CIB1: variants seen among roughly 807,000 people sequenced by gnomAD.
The protein encoded by CIB1 is calcium and integrin binding 1, also known as calcium and integrin-binding protein 1.
Under a neutral mutation model 25.0 loss-of-function variants are expected in CIB1, and 19 were observed. The observed-to-expected ratio is 0.76, with a 90% CI of 0.53 to 1.12. CIB1 has a LOEUF of 1.12. CIB1 is among the 50% of genes most tolerant of loss of function. The probability of loss-of-function intolerance (pLI) is 0.00; values close to 1 mark genes in which losing one functional copy is unlikely to be tolerated. For synonymous variants in CIB1, 104 were observed against 98.5 expected, an observed-to-expected ratio of 1.06 and a Z score of -0.33; for missense variants, 236 against 242.6, an observed-to-expected ratio of 0.97 and a Z score of 0.18.
the CIB1 span, among the ~76,000 whole-genome samples, chr15:90,250,292 T>C: frequency 6.6e-6 from 1 of 152,114 alleles, no homozygotes; most frequent in Non-Finnish European, 1.5e-5. Context: ...TCTTTCCCAA[T>C]TAGGAACAAA....
chr15:90,231,243 C>T, intron 4 of CIB1, 30 bp from the exon 5 acceptor site: 1 of 1,612,796 alleles, frequency 6.2e-7, no homozygotes, highest in Non-Finnish European at 8.5e-7. Context: ...AGCCAAAAGA[C>T]ACGGTTGGGA....
the CIB1 span, chr15:90,265,033 T>G: frequency 4.1e-6 from 6 of 1,463,404 alleles, no homozygotes; most frequent in Non-Finnish European, 5.4e-6. Context: ...GCATTAAATC[T>G]TTGCTAAATG....
At chr15:90,234,047 C>T, upstream of CIB1, 1 of 827,982 alleles carries the variant, frequency 1.2e-6, no homozygotes, top group Non-Finnish European at 1.7e-6. Flanking sequence ...CGTTCCCAGC[C>T]GGGTTTGGCA....
chr15:90,248,282 TC>T, the CIB1 span, among the ~76,000 whole-genome samples: 1 of 152,206 alleles, frequency 6.6e-6, no homozygotes, highest in Admixed American at 6.5e-5. Flanking sequence ...ATAAACAGTT[TC>T]TTTGGGTTGC....
the CIB1 span, among the ~76,000 whole-genome samples, chr15:90,254,784 C>T: frequency 2.6e-5 from 4 of 151,152 alleles, no homozygotes; most frequent in East Asian, 4.0e-4. Flanking sequence ...AGGCAGAGGC[C>T]GCAGTGAGCT....
In CIB1 at chr15:90,232,281, C is replaced by T. The variant is rs190155231; in HGVS notation, c.133G>A (p.Val45Met). 5.3e-5 allele frequency: 86 copies of T among 1,612,432 alleles called. No individual in the cohort carries two copies. The highest frequency in any genetic ancestry group is 3.3e-4 in the African/African-American group (25 of 75,040). Residue 45 changes from valine to methionine, a missense_variant, in exon 3 of 7, where the codon GTG becomes ATG. Val to Met is a conservative substitution (Grantham distance 21, BLOSUM62 1). Transcript: ENST00000328649. ...CELLPQEQRS[V>M]ESSLRAQVPF... is the part of the protein sequence containing the mutation. Reference sequence around the variant, plus strand: ...ACTTGTGCCCGAAGTGACGACTCCACGCTCCGCTGCTCCTGGGGAAGCAGC... The same window carrying T: ...ACTTGTGCCCGAAGTGACGACTCCATGCTCCGCTGCTCCTGGGGAAGCAGC...
chr15:90,256,545 T>TTTTCTTTC, the CIB1 span, among the ~76,000 whole-genome samples: 2,083 of 105,276 alleles, frequency 0.02, 48 homozygotes, highest in East Asian at 0.035. Flanking sequence ...TCTCCTTCCT[T>TTTTCTTTC]TTTCTTTCTT....
chr15:90,232,795 A>G (rs1227638851), intron 2 of CIB1, among the ~76,000 whole-genome samples: 1 of 151,000 alleles, frequency 6.6e-6, no homozygotes, highest in Non-Finnish European at 1.5e-5. Context: ...AATCCCAGCT[A>G]CTCAGGAGGC....
the CIB1 span, chr15:90,257,972 C>G: frequency 3.2e-5 from 47 of 1,471,938 alleles, 1 homozygote; most frequent in East Asian, 9.5e-4. Context: ...TGTGAGGGAG[C>G]CTCCTGCCTA....
At chr15:90,257,518 T>C in the CIB1 span, 4 of 1,050,936 alleles carry the variant, frequency 3.8e-6, no homozygotes, top group Admixed American at 6.8e-5. Context: ...AGTCCTCTGG[T>C]GGAGAGAGAC....
At chr15:90,237,317 C>T (rs1962657445), upstream of CIB1, among the ~76,000 whole-genome samples, 1 of 120,594 alleles carries the variant, frequency 8.3e-6, no homozygotes, top group Non-Finnish European at 1.6e-5. Context: ...GAGTCTTGCT[C>T]TGTCACCAGG....
the CIB1 span, chr15:90,250,639 G>C: frequency 6.2e-7 from 1 of 1,613,012 alleles, no homozygotes; most frequent in African/African-American, 1.3e-5. Flanking sequence ...GAATGGAGCC[G>C]AGTACCTGTA....
chr15:90,245,290 C>A, the CIB1 span: 1 of 152,224 alleles, frequency 6.6e-6, no homozygotes, highest in Non-Finnish European at 1.5e-5. Flanking sequence ...GCCTGGCCAA[C>A]ATGGTGAAAC....
the CIB1 span, chr15:90,251,676 G>A: frequency 4.6e-5 from 70 of 1,518,244 alleles, no homozygotes; most frequent in Middle Eastern, 1.7e-4. Context: ...ATGGACCCCC[G>A]ATCAGGCTTC....
At chr15:90,250,642 T>G in the CIB1 span, 2 of 1,613,080 alleles carry the variant, frequency 1.2e-6, no homozygotes, top group East Asian at 4.5e-5. Flanking sequence ...TGGAGCCGAG[T>G]ACCTGTAGGA....
the CIB1 span, chr15:90,241,904 C>G: frequency 6.2e-7 from 1 of 1,614,034 alleles, no homozygotes; most frequent in African/African-American, 1.3e-5. Flanking sequence ...ATGTTGCCCT[C>G]TGTGAGCTGG....
At position 90,231,404 on chromosome 15, in the gene CIB1, TCA is replaced by T. The variant is rs1962487011; in HGVS notation, c.297_298del (p.Ser99ArgfsTer17). 1 of 1,614,220 alleles carries T rather than the reference TCA, an allele frequency of 6.2e-7. No homozygotes were observed. Among genetic ancestry groups the T allele is most frequent in the Non-Finnish European group, 8.5e-7 (1 of 1,180,038 alleles). The stretch of plus-strand genomic sequence containing the variant: ...GGACTTGATGTCTGGCGTGGCTGTG[TCA>T]CTGAACACACTGAGGAGATCCAGGA... On this transcript the variant is annotated frameshift_variant, in exon 4 of 7. Transcript: ENST00000328649. LOFTEE classifies it high-confidence loss of function.
chr15:90,253,486 G>T, the CIB1 span: 2 of 574,916 alleles, frequency 3.5e-6, no homozygotes, highest in Non-Finnish European at 6.0e-6. Context: ...GTGCAGACAA[G>T]AAAGACCACC....
the CIB1 span, chr15:90,244,443 G>A: frequency 3.3e-5 from 5 of 152,204 alleles, no homozygotes; most frequent in Non-Finnish European, 7.3e-5. Context: ...AGAGGAACTA[G>A]TCAGTAGACA....
Sources: gnomAD v4.1 joint callset for allele counts (sites outside exome capture counted in the v4.1 genomes callset) on GRCh38, gnomAD v4.1.1 for gene constraint, MANE v1.5 for transcripts, NCBI Gene and HGNC (gene_info 2026-07-23, HGNC 2026-07-21) for gene names.